Variants in CIT observed in about 807,000 individuals in gnomAD.
The protein encoded by CIT is citron rho-interacting serine/threonine kinase, also known as citron Rho-interacting kinase.
Under a neutral mutation model 272.7 loss-of-function variants are expected in CIT, and 79 were observed. That is an observed-to-expected ratio of 0.29 (90% CI 0.24 to 0.35). The LOEUF (loss-of-function observed/expected upper bound fraction) is 0.35, where lower values mean the gene tolerates loss of function less well. Ranked by LOEUF, CIT falls within the 10% of genes least tolerant of loss-of-function variation. The pLI is 1.00. For missense variants in CIT, 1,909 were observed against 2,618.3 expected (o/e 0.73, Z 5.91); for synonymous variants, 948 against 995.6 (o/e 0.95, Z 0.90).
intron 5 of CIT, among the ~76,000 whole-genome samples, chr12:119,843,858 C>T (rs1023937645): frequency 6.6e-6 from 1 of 151,836 alleles, no homozygotes; most frequent in Non-Finnish European, 1.5e-5. Flanking sequence ...TGTAAGTTTC[C>T]CCAAACTTCA....
At chr12:119,747,799 T>C (rs1296937023) in intron 23 of CIT, among the ~76,000 whole-genome samples, 4 of 152,202 alleles carry the variant, frequency 2.6e-5, no homozygotes, top group African/African-American at 9.6e-5. Context: ...AACACTAACA[T>C]TGCTTTTGCA....
intron 5 of CIT, 106 bp downstream of exon 5, chr12:119,850,066 CTT>C (rs869249858): frequency 1.6e-5 from 13 of 788,082 alleles, no homozygotes; most frequent in African/African-American, 1.0e-4. Flanking sequence ...GTAAGAAAGT[CTT>C]TGCATGAATG....
chr12:119,870,917 G>A (rs184768650), intron 2 of CIT, among the ~76,000 whole-genome samples: 166 of 152,044 alleles, frequency 1.1e-3, no homozygotes, highest in Non-Finnish European at 1.4e-3. Context: ...TCAGAAGTTC[G>A]AGACCAGCCT....
intron 9 of CIT, 74 bp downstream of exon 9, chr12:119,822,746 C>G (rs1397719510): frequency 4.6e-6 from 7 of 1,515,866 alleles, no homozygotes; most frequent in African/African-American, 2.8e-5. Context: ...TTCTTTGGGC[C>G]AGAACAATCT....
intron 23 of CIT, among the ~76,000 whole-genome samples, chr12:119,747,110 C>G (rs1194698714): frequency 6.6e-6 from 1 of 152,210 alleles, no homozygotes; most frequent in East Asian, 1.9e-4. Flanking sequence ...TATCCACCTA[C>G]ACTTGCAACA....
chr12:119,740,355 CT>C (rs1410066473), intron 24 of CIT, among the ~76,000 whole-genome samples: 1 of 152,088 alleles, frequency 6.6e-6, no homozygotes, highest in East Asian at 1.9e-4. Context: ...TATAAGGAAA[CT>C]TTTGAGGGTC....
Position 119,784,456 on chromosome 12 carries a change from A to C in CIT, c.1402-405T>G. ...GACAAATCCAGGACAGGGCAAGGAGATATTTATTCGTCTGCACTCTTAGGA... is the reference window on the plus strand; with the variant it reads ...GACAAATCCAGGACAGGGCAAGGAGCTATTTATTCGTCTGCACTCTTAGGA... On this transcript the variant is annotated intron_variant, in intron 11 of 47. Coordinates refer to ENST00000392521, the MANE Select transcript of CIT (RefSeq NM_001206999.2). This position sits in a 1 kb window ranked among gnomAD's most constrained non-coding sequence, Gnocchi z 4.7. The C allele has an allele frequency of 8.3e-7, 1 of 1,200,950 alleles. No individual in the cohort carries two copies. The highest frequency in any genetic ancestry group is 1.1e-6 in the Non-Finnish European group (1 of 951,590). 74.4% of individuals were successfully genotyped at this position (1,200,950 alleles called of 1,614,324 possible). A position where few individuals can be genotyped will look rare whatever the true frequency, so the allele number is the denominator to read the frequency against.
At position 119,748,478 on chromosome 12, in the gene CIT, C is replaced by T. The variant is rs574688359; in HGVS notation, c.2904+3572G>A. Among the ~76,000 whole-genome samples the T allele has an allele frequency of 7.7e-4, 117 of 152,302 alleles. 1 individual carries two copies. Among genetic ancestry groups the T allele is most frequent in the African/African-American group, 2.7e-3 (113 of 41,566 alleles). On this transcript the variant is annotated intron_variant, in intron 23 of 47. Coordinates refer to ENST00000392521, the MANE Select transcript of CIT (RefSeq NM_001206999.2). ...GGGATCCATGGTCAGGATTCTAGAA[C>T]GGTTAGGCTTCTGTGCACCCACCCC...
chr12:119,699,115 G>A (rs1956400682), intron 44 of CIT, among the ~76,000 whole-genome samples: 1 of 152,036 alleles, frequency 6.6e-6, no homozygotes, highest in African/African-American at 2.4e-5. Context: ...AATTAGCCGG[G>A]TATGGTGACA....
rs1018216010 is a variant in CIT at position 119,690,861 on chromosome 12, A to T, written c.5883-407T>A. 1.1e-3 allele frequency among the ~76,000 whole-genome samples: 173 copies of T among 152,334 alleles called. No individual in the cohort carries two copies. Among genetic ancestry groups the T allele is most frequent in the African/African-American group, 4.1e-3 (170 of 41,590 alleles). ...ACTTGCCTGAGCTAATGAGTGGTAG[A>T]GCTGGGATTCCAATAAAGACCAGTT... is the stretch of plus-strand genomic sequence containing the variant. On this transcript the variant is annotated intron_variant, in intron 46 of 47. Transcript: ENST00000392521. The surrounding 1 kb of genome is among the most constrained non-coding windows in gnomAD (Gnocchi z 6.0).
Position 119,700,801 on chromosome 12 carries a change from T to A in CIT, c.5567A>T (p.Tyr1856Phe), listed in dbSNP as rs772348304. ...ATCGTCTGTGCGGCTACGTCTTCCG[T>A]AAGAATCCACGAACACTCCAAATTC... ...FHEFGVFVDS[Y>F]GRRSRTDDLK... The change falls in exon 44 of 48, where the codon TAC becomes TTC. Residue 1856 changes from tyrosine (Y) to phenylalanine (F), a missense_variant. By Grantham distance (22) the Tyr-to-Phe change is conservative. Around this residue, in one of 8 missense-constraint regions of CIT, gnomAD observed 780 missense variants for 1,067.2 expected, o/e 0.73. Transcript: ENST00000392521. 6.2e-7 allele frequency: 1 copy of A among 1,613,882 alleles called. No homozygotes were observed. The highest frequency in any genetic ancestry group is 1.7e-5 in the Admixed American group (1 of 59,996).
chr12:119,822,840 T>A lies in CIT; in HGVS notation c.1091A>T (p.Asp364Val). 6.2e-7 allele frequency: 1 copy of A among 1,614,096 alleles called. No individual in the cohort carries two copies. ...CTTACAGTTACGAATGTTGTTCCAG[T>A]CAATTTTAGAGAAGAAAGGATGGCA... is the stretch of plus-strand genomic sequence containing the variant. ...LCCHPFFSKI[D>V]WNNIRNSPPP... The change falls in exon 9 of 48, where the codon GAC becomes GTC. Residue 364 changes from aspartate to valine, a missense_variant. By Grantham distance (152) the Asp-to-Val change is radical. Coordinates refer to ENST00000392521, the MANE Select transcript of CIT (RefSeq NM_001206999.2).
rs780304296 is a variant in CIT, at chr12:119,710,642, G to C, written c.4855-22C>G. On this transcript the variant is annotated intron_variant, in intron 37 of 47. Coordinates refer to ENST00000392521, the MANE Select transcript of CIT (RefSeq NM_001206999.2). This position sits in a 1 kb window ranked among gnomAD's most constrained non-coding sequence, Gnocchi z 5.6. ...GTTTCTTTTCATAGGTGAAAGAAAA[G>C]AAAAACAGAAGACATCGTGAGGCTG... is the stretch of plus-strand genomic sequence containing the variant. The C allele has an allele frequency of 6.2e-7, 1 of 1,606,834 alleles. No homozygotes were observed. Among genetic ancestry groups the C allele is most frequent in the African/African-American group, 1.3e-5 (1 of 74,790 alleles).
At chr12:119,737,306 CAAAAAAAAAAAAAAAAAAAAAAAAA>C (rs145489542) in intron 24 of CIT, among the ~76,000 whole-genome samples, 1 of 24,168 alleles carries the variant, frequency 4.1e-5, no homozygotes, top group Non-Finnish European at 8.4e-5. Context: ...GATTCCATCT[CAAAAAAAAAAAAAAAAAAAAAAAAA>C]AAAAAAAAAA....
chr12:119,771,810 C>T (rs796364403), intron 17 of CIT, among the ~76,000 whole-genome samples: 1 of 152,230 alleles, frequency 6.6e-6, no homozygotes, highest in African/African-American at 2.4e-5. Flanking sequence ...AGACGTATGG[C>T]TGCATTTATA....
intron 26 of CIT, among the ~76,000 whole-genome samples, chr12:119,731,437 T>G: frequency 7.4e-6 from 1 of 135,324 alleles, no homozygotes; most frequent in East Asian, 2.1e-4. Flanking sequence ...ATGGCACCAC[T>G]GCACTCCAGC....
At chr12:119,829,306 C>T (rs1358883401) in intron 7 of CIT, among the ~76,000 whole-genome samples, 1 of 146,146 alleles carries the variant, frequency 6.8e-6, no homozygotes. Flanking sequence ...CACTGCACTC[C>T]AGCCTGGGTG....
chr12:119,819,171 G>C (rs1201497199), intron 9 of CIT, among the ~76,000 whole-genome samples: 1 of 152,154 alleles, frequency 6.6e-6, no homozygotes, highest in Non-Finnish European at 1.5e-5. Context: ...TAATAAATAA[G>C]CAGCTGAAAA....
At position 119,712,351 on chromosome 12, in the gene CIT, G is replaced by C; in HGVS notation, c.4685-4C>G. The C allele has an allele frequency of 2.5e-6, 4 of 1,607,044 alleles. No individual in the cohort carries two copies. Among genetic ancestry groups the C allele is most frequent in the Non-Finnish European group, 3.4e-6 (4 of 1,175,970 alleles). On this transcript the variant is annotated splice_region_variant and splice_polypyrimidine_tract_variant and intron_variant, in intron 36 of 47. Transcript: ENST00000392521. The surrounding 1 kb of genome is among the most constrained non-coding windows in gnomAD (Gnocchi z 5.2). Reference sequence around the variant, plus strand: ...ATCTTCAGTATGTATGGGACATCTAGGAGATTTCAGAGAGCACAGGATTGG... The same window carrying C: ...ATCTTCAGTATGTATGGGACATCTACGAGATTTCAGAGAGCACAGGATTGG...
Sources: allele counts gnomAD v4.1 joint callset (sites outside exome capture counted in the v4.1 genomes callset), GRCh38; gene constraint gnomAD v4.1.1; regional missense constraint gnomAD v4.1.1; non-coding constraint Gnocchi (gnomAD v3.1); transcripts MANE v1.5; gene names NCBI Gene and HGNC (gene_info 2026-07-23, HGNC 2026-07-21).